Variants in ASPG observed in about 807,000 individuals in gnomAD.
The protein encoded by ASPG is asparaginase.
In ASPG, 53 loss-of-function variants were observed where a neutral mutation model predicts 63.2. The ratio of observed to expected loss-of-function variants is 0.84; its 90% CI spans 0.67 to 1.05. ASPG has a LOEUF of 1.05. Ranked by LOEUF, ASPG falls within the 50% of genes least tolerant of loss-of-function variation. The pLI is 0.00. For missense variants in ASPG, 741 were observed against 794.4 expected, an observed-to-expected ratio of 0.93 and a Z score of 0.81; for synonymous variants, 370 against 355.0, an observed-to-expected ratio of 1.04 and a Z score of -0.48.
chr14:104,111,725 T>C, intron 14 of ASPG, 124 bp downstream of exon 14: 1 of 897,508 alleles, frequency 1.1e-6, no homozygotes, highest in Non-Finnish European at 1.7e-6. Flanking sequence ...TGCCTGGCCC[T>C]CCCCATGCAG....
At chr14:104,111,222 CATGT>C (rs763014024) in intron 13 of ASPG, 68 of 967,050 alleles carry the variant, frequency 7.0e-5, no homozygotes, top group Non-Finnish European at 8.4e-5. Context: ...TGTGTGTGTA[CATGT>C]ATGCTGCTGT....
rs3952968 is a variant in ASPG, at chr14:104,098,073, T to A, written c.513+436T>A. 1.2e-3 allele frequency among the ~76,000 whole-genome samples: 10 copies of A among 8,422 alleles called. No individual in the cohort carries two copies. The East Asian group carries it at 0.013, about 11-fold the overall frequency. The allele number at this position is 8,422 out of a possible 152,430, so 5.5% of individuals were successfully genotyped here. Reference sequence around the variant, plus strand: ...TGCGTTAGAGATGCGTATGGAGGTTTTGCGTTAGAGATGCGTATGGAGGTT... The same window carrying A: ...TGCGTTAGAGATGCGTATGGAGGTTATGCGTTAGAGATGCGTATGGAGGTT... On this transcript the variant is annotated intron_variant, in intron 5 of 15. Transcript: ENST00000551177.
In ASPG at chr14:104,104,610, CCCT is replaced by C; in HGVS notation, c.937-7_937-5del. 6.2e-7 allele frequency: 1 copy of C among 1,600,600 alleles called. No individual in the cohort carries two copies. Among genetic ancestry groups the C allele is most frequent in the African/African-American group, 1.3e-5 (1 of 74,832 alleles). On this transcript the variant is annotated splice_polypyrimidine_tract_variant and intron_variant, in intron 8 of 15. Coordinates refer to ENST00000551177, the MANE Select transcript of ASPG (RefSeq NM_001080464.3). ...GAGTCGCCCTTCCTGCCCACACGCC[CCCT>C]CCTCACAGGCCATGGCGGGAGCCGG...
chr14:104,111,645 TCCAGGAAGGACA>T (rs1420938856), intron 14 of ASPG, 44 bp downstream of exon 14: 9 of 1,495,064 alleles, frequency 6.0e-6, no homozygotes, highest in Non-Finnish European at 8.2e-6. Context: ...GGCTGCCACC[TCCAGGAAGGACA>T]CCTGGACAAT....
rs1374990364 is a variant in ASPG at position 104,109,173 on chromosome 14, G to A, written c.1434-56G>A. ...TGAGCTCTGCTGGCTCCTGAGTGAG[G>A]TGCAGCGGGGCTGGGCTGGCCAGGG... On this transcript the variant is annotated intron_variant, in intron 12 of 15. Transcript: ENST00000551177. This position sits in a 1 kb window ranked among gnomAD's most constrained non-coding sequence, Gnocchi z 4.8. 2.5e-6 allele frequency: 4 copies of A among 1,595,058 alleles called. No individual in the cohort carries two copies. In the South Asian group the frequency reaches 3.4e-5, roughly 14 times the overall value.
Position 104,091,881 on chromosome 14 carries a change from G to A in ASPG, c.83-752G>A, listed in dbSNP as rs1253507981. ...CCTGGAGGGGTGGCTGAGGGGTCAG[G>A]GCTTTATACTGAGCAGCTGGCCCCA... On this transcript the variant is annotated intron_variant, in intron 1 of 15. Transcript: ENST00000551177. The surrounding 1 kb of genome is among the most constrained non-coding windows in gnomAD (Gnocchi z 6.4). Among the ~76,000 whole-genome samples the A allele has an allele frequency of 6.6e-6, 1 of 152,000 alleles. No individual in the cohort carries two copies. Among genetic ancestry groups the A allele is most frequent in the East Asian group, 1.9e-4 (1 of 5,178 alleles).
At chr14:104,111,859 C>A in intron 14 of ASPG, 61 bp from the exon 15 acceptor site, 1 of 1,497,360 alleles carries the variant, frequency 6.7e-7, no homozygotes, top group Non-Finnish European at 9.0e-7. Flanking sequence ...GGATGGGGAT[C>A]CTTGGGCCAG....
At position 104,097,602 on chromosome 14, in the gene ASPG, G is replaced by A. The variant is rs764201463; in HGVS notation, c.478G>A (p.Ala160Thr). Residue 160 changes from alanine (A) to threonine (T), a missense_variant, in exon 5 of 16, where the codon GCA becomes ACA. By Grantham distance (58) the Ala-to-Thr change is moderately conservative (BLOSUM62 0). Transcript: ENST00000551177. ...WSDGRENLLG[A>T]LLMAGQYVIP... ...CGACGGCCGTGAGAACCTGCTGGGG[G>A]CACTGCTCATGGCTGGCCAGTATGT... 8.9e-6 allele frequency: 14 copies of A among 1,565,186 alleles called. No individual in the cohort carries two copies. In the Admixed American group the frequency reaches 2.4e-4, roughly 27 times the overall value.
At chr14:104,107,939 G>A (rs1166524878) in intron 12 of ASPG, among the ~76,000 whole-genome samples, 1 of 152,216 alleles carries the variant, frequency 6.6e-6, no homozygotes, top group Non-Finnish European at 1.5e-5. Context: ...CCCATGGGCT[G>A]CTCAGAGATC....
In ASPG at chr14:104,085,758, TC is replaced by T. The variant is rs750174770; in HGVS notation, c.-9del. 150 of 1,569,878 alleles carry T rather than the reference TC, an allele frequency of 9.6e-5. No individual in the cohort carries two copies. Among genetic ancestry groups the T allele is most frequent in the Non-Finnish European group, 1.2e-4 (141 of 1,166,906 alleles). ...TGCACACCCCCGTCCACTCCCGTGG[TC>T]CCCGGTCCGGCATGGCGCGCGCGGT... is the stretch of plus-strand genomic sequence containing the variant. On this transcript the variant is annotated 5_prime_UTR_variant, in exon 1 of 16. Transcript: ENST00000551177.
chr14:104,106,928 G>A, intron 11 of ASPG, 34 bp downstream of exon 11: 6 of 1,537,826 alleles, frequency 3.9e-6, no homozygotes, highest in Non-Finnish European at 4.4e-6. Context: ...CCCAGCCCCA[G>A]CCACGCCTGG....
chr14:104,094,430 C>T (rs550526364), intron 3 of ASPG, among the ~76,000 whole-genome samples: 1 of 152,112 alleles, frequency 6.6e-6, no homozygotes, highest in East Asian at 1.9e-4. Flanking sequence ...GACCTGTGTG[C>T]TCCCCCTGCA....
chr14:104,108,350 G>A, intron 12 of ASPG: 1 of 954,622 alleles, frequency 1.0e-6, no homozygotes, highest in Non-Finnish European at 1.2e-6. Context: ...GGGTGGCGCG[G>A]AGACGAGCTC....
chr14:104,103,117 C>T (rs1409603167), intron 6 of ASPG, among the ~76,000 whole-genome samples: 7 of 152,262 alleles, frequency 4.6e-5, no homozygotes, highest in Non-Finnish European at 7.3e-5. Flanking sequence ...TGTAACCCAG[C>T]GCAGTGACTG....
chr14:104,090,125 G>A (rs1457567270), intron 1 of ASPG, among the ~76,000 whole-genome samples: 1 of 152,162 alleles, frequency 6.6e-6, no homozygotes, highest in Non-Finnish European at 1.5e-5. Flanking sequence ...CATATGGAGT[G>A]TTTTGCTTGA....
Position 104,110,118 on chromosome 14 carries a change from C to T in ASPG, c.1520+803C>T. On this transcript the variant is annotated intron_variant, in intron 13 of 15. Transcript: ENST00000551177. The surrounding 1 kb of genome is among the most constrained non-coding windows in gnomAD (Gnocchi z 4.7). ...CGAGGCCAGGACGACTCCGAGGGAC[C>T]CAAAAAGGAGAGTCGGAGGCAGGAG... is the stretch of plus-strand genomic sequence containing the variant. The T allele has an allele frequency of 1.0e-6, 1 of 985,236 alleles. No individual in the cohort carries two copies. The highest frequency in any genetic ancestry group is 4.7e-5 in the South Asian group (1 of 21,284). The allele number at this position is 985,236 out of a possible 1,614,324, so 61.0% of individuals were successfully genotyped here.
chr14:104,093,012 C>T (rs72714946), intron 2 of ASPG: 44,822 of 530,418 alleles, frequency 0.085, 2,307 homozygotes, highest in African/African-American at 0.15. Flanking sequence ...GATGAGGGCG[C>T]CCCGTCTAGG....
In ASPG at chr14:104,103,552, C is replaced by T. The variant is rs2036976358; in HGVS notation, c.641-11C>T. On this transcript the variant is annotated splice_polypyrimidine_tract_variant and intron_variant, in intron 6 of 15. Transcript: ENST00000551177. ...CCTGAAGGCACCACACAGGCCCTTC[C>T]CTGTCCTCAGTCAACAGGGAGCTGG... The T allele has an allele frequency of 1.3e-6, 2 of 1,547,242 alleles. No homozygotes were observed. The highest frequency in any genetic ancestry group is 2.4e-5 in the East Asian group (1 of 40,910).
At chr14:104,102,347 C>T (rs990827852) in intron 6 of ASPG, among the ~76,000 whole-genome samples, 7 of 152,064 alleles carry the variant, frequency 4.6e-5, no homozygotes, top group Non-Finnish European at 8.8e-5. Flanking sequence ...TCCTTTTTAT[C>T]GCATGCAAGC....
Sources: allele counts gnomAD v4.1 joint callset (sites outside exome capture counted in the v4.1 genomes callset), GRCh38; gene constraint gnomAD v4.1.1; non-coding constraint Gnocchi (gnomAD v3.1); transcripts MANE v1.5; gene names NCBI Gene and HGNC (gene_info 2026-07-23, HGNC 2026-07-21).